Variants in TRAPPC5 observed in about 807,000 individuals in gnomAD.
TRAPPC5 encodes trafficking protein particle complex subunit 5.
TRAPPC5 carries 5 observed loss-of-function variants against 9.8 expected under a neutral mutation model. That is an observed-to-expected ratio of 0.51 (90% CI 0.27 to 1.07). The LOEUF is 1.07. Among genes scored for constraint, TRAPPC5 ranks in the 50% least tolerant of loss-of-function variants. The pLI, the probability that TRAPPC5 is intolerant of heterozygous loss-of-function variation, is 0.12. For missense variants in TRAPPC5, 243 were observed against 291.5 expected (o/e 0.83, Z 1.21); for synonymous variants, 146 against 140.7 (o/e 1.04, Z -0.26).
At position 7,682,126 on chromosome 19, in the gene TRAPPC5, C is replaced by G; in HGVS notation, c.-12-116C>G. Reference sequence around the variant, plus strand: ...AGTGGGAAGTCGGCACTGGAGCACACAACAGTGGCATGGGTCGAGGGTGTC... The same window carrying G: ...AGTGGGAAGTCGGCACTGGAGCACAGAACAGTGGCATGGGTCGAGGGTGTC... On this transcript the variant is annotated intron_variant, in intron 1 of 1. Transcript: ENST00000596148. This position sits in a 1 kb window ranked among gnomAD's most constrained non-coding sequence, Gnocchi z 8.6. 1 of 837,980 alleles carries G rather than the reference C, an allele frequency of 1.2e-6. No individual in the cohort carries two copies. The highest frequency in any genetic ancestry group is 1.7e-6 in the Non-Finnish European group (1 of 589,238). The allele number at this position is 837,980 out of a possible 1,614,324, so 51.9% of individuals were successfully genotyped here.
In TRAPPC5 at chr19:7,682,372, G is replaced by A; in HGVS notation, c.119G>A (p.Cys40Tyr). The change falls in exon 2 of 2, where the codon TGC (cysteine) becomes TAC (tyrosine). Residue 40 changes from cysteine to tyrosine, a missense_variant. By Grantham distance (194) the Cys-to-Tyr change is radical. This residue lies in a region of TRAPPC5 where 89 missense variants were observed against 75.7 expected (regional missense o/e 1.18). Coordinates refer to ENST00000596148, the MANE Select transcript of TRAPPC5 (RefSeq NM_001042462.2). This position sits in a 1 kb window ranked among gnomAD's most constrained non-coding sequence, Gnocchi z 8.6. ...ALLFSELVQH[C>Y]QSRVFSVAEL... The stretch of plus-strand genomic sequence containing the variant: ...CTGTTCTCCGAGCTGGTACAGCACT[G>A]CCAGAGCCGCGTCTTCTCCGTGGCC... The A allele has an allele frequency of 6.4e-7, 1 of 1,567,136 alleles. No homozygotes were observed. The highest frequency in any genetic ancestry group is 1.4e-5 in the African/African-American group (1 of 73,660).
rs2032650821 is a variant in TRAPPC5, at chr19:7,682,297, G to A, written c.44G>A (p.Arg15His). The A allele has an allele frequency of 1.4e-6, 2 of 1,466,610 alleles. No individual in the cohort carries two copies. Among genetic ancestry groups the A allele is most frequent in the Admixed American group, 2.9e-5 (1 of 34,614 alleles). 90.8% of individuals were successfully genotyped at this position (1,466,610 alleles called of 1,614,324 possible). ...CGCGGGAAGTCGGCGCTGCTGGAGCGCGCGCTGGCGCGGCCGCGCACCGAG... is the reference window on the plus strand; with the variant it reads ...CGCGGGAAGTCGGCGCTGCTGGAGCACGCGCTGGCGCGGCCGCGCACCGAG... Reference protein sequence around the residue: ...FTRGKSALLERALARPRTEVS... With the variant: ...FTRGKSALLEHALARPRTEVS... The change falls in exon 2 of 2, where the codon CGC (arginine) becomes CAC (histidine). Residue 15 changes from arginine to histidine, a missense_variant. Transcript: ENST00000596148. The surrounding 1 kb of genome is among the most constrained non-coding windows in gnomAD (Gnocchi z 8.6).
At position 7,685,414 on chromosome 19, in the gene TRAPPC5, C is replaced by T. The variant is rs946579737; in HGVS notation, c.*2594C>T. 3 of 152,174 alleles carry T rather than the reference C, an allele frequency of 2.0e-5. No individual in the cohort carries two copies. Among genetic ancestry groups the T allele is most frequent in the African/African-American group, 7.2e-5 (3 of 41,430 alleles). The allele number at this position is 152,174 out of a possible 1,614,324, so 9.4% of individuals were successfully genotyped here. A position where few individuals can be genotyped will look rare whatever the true frequency, so the allele number is the denominator to read the frequency against. The stretch of plus-strand genomic sequence containing the variant: ...TTGGGGGAACCATGATCCAATCTTC[C>T]CTGCTTCCTTTCCACCGCCCCCCAG... On this transcript the variant is annotated 3_prime_UTR_variant, in exon 2 of 2. Transcript: ENST00000596148.
At position 7,682,412 on chromosome 19, in the gene TRAPPC5, C is replaced by G. The variant is rs746092467; in HGVS notation, c.159C>G (p.Arg53=). The change falls in exon 2 of 2, where the codon CGC becomes CGG. Residue 53 remains arginine, a synonymous_variant. Transcript: ENST00000596148. This position sits in a 1 kb window ranked among gnomAD's most constrained non-coding sequence, Gnocchi z 8.6. ...RVFSVAELQS[R]LAALGRQVGA... ...TCTCCGTGGCCGAGCTGCAGTCGCGCCTGGCCGCGCTGGGCCGCCAGGTGG... is the reference window on the plus strand; with the variant it reads ...TCTCCGTGGCCGAGCTGCAGTCGCGGCTGGCCGCGCTGGGCCGCCAGGTGG... 5 of 1,588,996 alleles carry G rather than the reference C, an allele frequency of 3.1e-6. No individual in the cohort carries two copies. The highest frequency in any genetic ancestry group is 1.3e-5 in the African/African-American group (1 of 74,150).
At position 7,686,966 on chromosome 19, in the gene TRAPPC5, G is replaced by A. The variant is rs542874653; in HGVS notation, c.*4146G>A. ...TAGTTTTTGTATTTTTTGTAGAGAT[G>A]GGGCCTCACTATGTTGCCCAGGCTG... On this transcript the variant is annotated 3_prime_UTR_variant, in exon 2 of 2. Coordinates refer to ENST00000596148, the MANE Select transcript of TRAPPC5 (RefSeq NM_001042462.2). 6.6e-6 allele frequency: 1 copy of A among 152,016 alleles called. No individual in the cohort carries two copies. Among genetic ancestry groups the A allele is most frequent in the Admixed American group, 6.6e-5 (1 of 15,242 alleles). The allele number at this position is 152,016 out of a possible 1,614,324, so 9.4% of individuals were successfully genotyped here.
Position 7,681,221 on chromosome 19 carries a change from C to T in TRAPPC5, c.-13+343C>T, listed in dbSNP as rs1212611329. Among the ~76,000 whole-genome samples the T allele has an allele frequency of 6.6e-6, 1 of 152,092 alleles. No individual in the cohort carries two copies. Among genetic ancestry groups the T allele is most frequent in the African/African-American group, 2.4e-5 (1 of 41,416 alleles). Reference sequence around the variant, plus strand: ...CGGGGGCGGCCCGGAGCCCCTGGGACACCCCTCCCCGCTGGTTCTCCCACC... The same window carrying T: ...CGGGGGCGGCCCGGAGCCCCTGGGATACCCCTCCCCGCTGGTTCTCCCACC... On this transcript the variant is annotated intron_variant, in intron 1 of 1. Coordinates refer to ENST00000596148, the MANE Select transcript of TRAPPC5 (RefSeq NM_001042462.2). The surrounding 1 kb of genome is among the most constrained non-coding windows in gnomAD (Gnocchi z 8.7).
chr19:7,682,800 C>T lies in TRAPPC5; in HGVS notation c.547C>T (p.Arg183Trp), dbSNP rs1169242083. 3 of 1,602,672 alleles carry T rather than the reference C, an allele frequency of 1.9e-6. No homozygotes were observed. Among genetic ancestry groups the T allele is most frequent in the Non-Finnish European group, 2.6e-6 (3 of 1,173,716 alleles). ...KFEEAVIARDRALEGR is the reference protein window; with the variant it reads ...KFEEAVIARDWALEGR ...CGAGGAGGCAGTCATCGCTCGAGAC[C>T]GGGCCCTGGAGGGCCGCTGACCCTG... Residue 183 changes from arginine to tryptophan, a missense_variant, in exon 2 of 2, where the codon CGG becomes TGG. Arg to Trp is a moderately radical substitution (Grantham distance 101, BLOSUM62 -3). This residue lies in a region of TRAPPC5 where 154 missense variants were observed against 215.8 expected (regional missense o/e 0.71). Transcript: ENST00000596148. This position sits in a 1 kb window ranked among gnomAD's most constrained non-coding sequence, Gnocchi z 8.6.
chr19:7,685,895 A>T lies in TRAPPC5; in HGVS notation c.*3075A>T. 6.6e-6 allele frequency: 1 copy of T among 152,538 alleles called. No individual in the cohort carries two copies. Among genetic ancestry groups the T allele is most frequent in the Admixed American group, 6.5e-5 (1 of 15,298 alleles). The allele number at this position is 152,538 out of a possible 1,614,324, so 9.4% of individuals were successfully genotyped here. ...TGGAGGGAGGTCTGGGCGTCTGCAC[A>T]GACACAGAAACCACAGTCCTGGATG... On this transcript the variant is annotated 3_prime_UTR_variant, in exon 2 of 2. Coordinates refer to ENST00000596148, the MANE Select transcript of TRAPPC5 (RefSeq NM_001042462.2).
chr19:7,682,410 C>T lies in TRAPPC5; in HGVS notation c.157C>T (p.Arg53Cys), dbSNP rs1028177031. ...RVFSVAELQS[R>C]LAALGRQVGA... ...CTTCTCCGTGGCCGAGCTGCAGTCG[C>T]GCCTGGCCGCGCTGGGCCGCCAGGT... The change falls in exon 2 of 2, where the codon CGC becomes TGC. Residue 53 changes from arginine (R) to cysteine (C), a missense_variant. Around this residue, in one of 2 missense-constraint regions of TRAPPC5, gnomAD observed 154 missense variants for 215.8 expected, o/e 0.71. Transcript: ENST00000596148. This position sits in a 1 kb window ranked among gnomAD's most constrained non-coding sequence, Gnocchi z 8.6. 4 of 1,586,546 alleles carry T rather than the reference C, an allele frequency of 2.5e-6. No homozygotes were observed. The highest frequency in any genetic ancestry group is 2.6e-6 in the Non-Finnish European group (3 of 1,167,366).
rs1051542284 is a variant in TRAPPC5, at chr19:7,685,440, A to G, written c.*2620A>G. 3 of 152,124 alleles carry G rather than the reference A, an allele frequency of 2.0e-5. No homozygotes were observed. Among genetic ancestry groups the G allele is most frequent in the Admixed American group, 6.5e-5 (1 of 15,274 alleles). The allele number at this position is 152,124 out of a possible 1,614,324, so 9.4% of individuals were successfully genotyped here. ...CTGCTTCCTTTCCACCGCCCCCCAG[A>G]ATGTGAACAGACAGGTCTGTTCAGA... On this transcript the variant is annotated 3_prime_UTR_variant, in exon 2 of 2. Transcript: ENST00000596148.
At position 7,682,838 on chromosome 19, in the gene TRAPPC5, G is replaced by C. The variant is rs188298793; in HGVS notation, c.*18G>C. Reference sequence around the variant, plus strand: ...GCCGCTGACCCTGCCGGAGATAAAGGATACAGAGAGCCCCTCCCCACGTGT... The same window carrying C: ...GCCGCTGACCCTGCCGGAGATAAAGCATACAGAGAGCCCCTCCCCACGTGT... On this transcript the variant is annotated 3_prime_UTR_variant, in exon 2 of 2. Transcript: ENST00000596148. The surrounding 1 kb of genome is among the most constrained non-coding windows in gnomAD (Gnocchi z 8.6). 6.4e-7 allele frequency: 1 copy of C among 1,555,780 alleles called. No individual in the cohort carries two copies. Among genetic ancestry groups the C allele is most frequent in the African/African-American group, 1.4e-5 (1 of 73,596 alleles).
chr19:7,682,376 G>C lies in TRAPPC5; in HGVS notation c.123G>C (p.Gln41His). Residue 41 changes from glutamine to histidine, a missense_variant, in exon 2 of 2, where the codon CAG (glutamine) becomes CAC (histidine). Gln to His is a conservative substitution (Grantham distance 24). Coordinates refer to ENST00000596148, the MANE Select transcript of TRAPPC5 (RefSeq NM_001042462.2). This position sits in a 1 kb window ranked among gnomAD's most constrained non-coding sequence, Gnocchi z 8.6. The stretch of plus-strand genomic sequence containing the variant: ...TCTCCGAGCTGGTACAGCACTGCCA[G>C]AGCCGCGTCTTCTCCGTGGCCGAGC... Reference protein sequence around the residue: ...LLFSELVQHCQSRVFSVAELQ... With the variant: ...LLFSELVQHCHSRVFSVAELQ... The C allele has an allele frequency of 6.4e-7, 1 of 1,568,714 alleles. No homozygotes were observed. The highest frequency in any genetic ancestry group is 8.6e-7 in the Non-Finnish European group (1 of 1,157,740).
rs2032643586 is a variant in TRAPPC5, at chr19:7,681,931, C to T, written c.-12-311C>T. On this transcript the variant is annotated intron_variant, in intron 1 of 1. Transcript: ENST00000596148. This position sits in a 1 kb window ranked among gnomAD's most constrained non-coding sequence, Gnocchi z 8.7. ...CTTTCGCAATTGAACCGTCTGCATG[C>T]CCGAGGGTTGGGTGGTTTCGGCCTC... Among the ~76,000 whole-genome samples, 1 of 152,136 alleles carries T rather than the reference C, an allele frequency of 6.6e-6. No individual in the cohort carries two copies. Among genetic ancestry groups the T allele is most frequent in the African/African-American group, 2.4e-5 (1 of 41,436 alleles).
rs1166926798 is a variant in TRAPPC5 at position 7,683,285 on chromosome 19, A to G, written c.*465A>G. On this transcript the variant is annotated 3_prime_UTR_variant, in exon 2 of 2. Coordinates refer to ENST00000596148, the MANE Select transcript of TRAPPC5 (RefSeq NM_001042462.2). The stretch of plus-strand genomic sequence containing the variant: ...GCCCAGGCTGGAGTGCAGTGGCACC[A>G]TCTCACCTCACTGCAAACCTCCACC... 1 of 154,944 alleles carries G rather than the reference A, an allele frequency of 6.5e-6. No homozygotes were observed. Among genetic ancestry groups the G allele is most frequent in the East Asian group, 1.9e-4 (1 of 5,234 alleles). The allele number at this position is 154,944 out of a possible 1,614,324, so 9.6% of individuals were successfully genotyped here. A position where few individuals can be genotyped will look rare whatever the true frequency, so the allele number is the denominator to read the frequency against.
In TRAPPC5 at chr19:7,681,141, C is replaced by T. The variant is rs897443029; in HGVS notation, c.-13+263C>T. 4 of 152,268 alleles carry T rather than the reference C, an allele frequency of 2.6e-5. No individual in the cohort carries two copies. The highest frequency in any genetic ancestry group is 4.4e-5 in the Non-Finnish European group (3 of 68,162). 9.4% of individuals were successfully genotyped at this position (152,268 alleles called of 1,614,324 possible). ...CCCGGTGGTGGGGTCTTAACGATCC[C>T]TCTCCCATCTCGCGCGCCCAGGGCC... On this transcript the variant is annotated intron_variant, in intron 1 of 1. Transcript: ENST00000596148. This position sits in a 1 kb window ranked among gnomAD's most constrained non-coding sequence, Gnocchi z 8.7.
In TRAPPC5 at chr19:7,682,123, A is replaced by G; in HGVS notation, c.-12-119A>G. ...GCAAGTGGGAAGTCGGCACTGGAGC[A>G]CACAACAGTGGCATGGGTCGAGGGT... On this transcript the variant is annotated intron_variant, in intron 1 of 1. Transcript: ENST00000596148. The surrounding 1 kb of genome is among the most constrained non-coding windows in gnomAD (Gnocchi z 8.6). 1.3e-6 allele frequency: 1 copy of G among 789,318 alleles called. No individual in the cohort carries two copies. Among genetic ancestry groups the G allele is most frequent in the Non-Finnish European group, 1.8e-6 (1 of 547,474 alleles). 48.9% of individuals were successfully genotyped at this position (789,318 alleles called of 1,614,324 possible).
rs2032689758 is a variant in TRAPPC5, at chr19:7,684,236, G to T, written c.*1416G>T. 6.6e-6 allele frequency: 1 copy of T among 152,178 alleles called. No homozygotes were observed. Among genetic ancestry groups the T allele is most frequent in the South Asian group, 2.1e-4 (1 of 4,820 alleles). 9.4% of individuals were successfully genotyped at this position (152,178 alleles called of 1,614,324 possible). On this transcript the variant is annotated 3_prime_UTR_variant, in exon 2 of 2. Coordinates refer to ENST00000596148, the MANE Select transcript of TRAPPC5 (RefSeq NM_001042462.2). ...CTGGGGACCTTAGATTGAGATGCAG[G>T]CTTTAGGGTATCAGAATCACCAGGA...
chr19:7,682,735 C>T lies in TRAPPC5; in HGVS notation c.482C>T (p.Thr161Met), dbSNP rs2032665530. 1.2e-6 allele frequency: 2 copies of T among 1,612,044 alleles called. No individual in the cohort carries two copies. The highest frequency in any genetic ancestry group is 1.1e-5 in the South Asian group (1 of 90,778). Reference protein sequence around the residue: ...LTHSGFPAKVTAHWHKGTTLM... With the variant: ...LTHSGFPAKVMAHWHKGTTLM... ...CACAGCGGCTTCCCTGCCAAGGTCA[C>T]GGCGCACTGGCACAAGGGCACCACG... The change falls in exon 2 of 2, where the codon ACG (threonine) becomes ATG (methionine). Residue 161 changes from threonine to methionine, a missense_variant. Thr to Met is a moderately conservative substitution (Grantham distance 81). Coordinates refer to ENST00000596148, the MANE Select transcript of TRAPPC5 (RefSeq NM_001042462.2). This position sits in a 1 kb window ranked among gnomAD's most constrained non-coding sequence, Gnocchi z 8.6.
Position 7,682,246 on chromosome 19 carries a change from G to A in TRAPPC5, c.-8G>A. On this transcript the variant is annotated 5_prime_UTR_variant, in exon 2 of 2. Coordinates refer to ENST00000596148, the MANE Select transcript of TRAPPC5 (RefSeq NM_001042462.2). This position sits in a 1 kb window ranked among gnomAD's most constrained non-coding sequence, Gnocchi z 8.6. Reference sequence around the variant, plus strand: ...CACTTCCTGGTCTCCCCGCAGGGTGGCGGCGGCATGGAGGCGCGCTTCACG... The same window carrying A: ...CACTTCCTGGTCTCCCCGCAGGGTGACGGCGGCATGGAGGCGCGCTTCACG... The A allele has an allele frequency of 7.2e-7, 1 of 1,390,382 alleles. No individual in the cohort carries two copies. Among genetic ancestry groups the A allele is most frequent in the Non-Finnish European group, 9.3e-7 (1 of 1,079,278 alleles). 86.1% of individuals were successfully genotyped at this position (1,390,382 alleles called of 1,614,324 possible).
Sources: gnomAD v4.1 joint callset for allele counts (sites outside exome capture counted in the v4.1 genomes callset) on GRCh38, gnomAD v4.1.1 for gene constraint, gnomAD v4.1.1 regional missense constraint, Gnocchi (gnomAD v3.1) non-coding constraint, MANE v1.5 for transcripts, NCBI Gene and HGNC (gene_info 2026-07-23, HGNC 2026-07-21) for gene names.